Variants in IL7R observed in about 807,000 individuals in gnomAD.
IL7R encodes the protein interleukin 7 receptor.
IL7R carries 38 observed loss-of-function variants against 47.0 expected under a neutral mutation model. The ratio of observed to expected loss-of-function variants is 0.81; its 90% confidence interval spans 0.62 to 1.06. The LOEUF (loss-of-function observed/expected upper bound fraction) is 1.06, where lower values mean the gene tolerates loss of function less well. IL7R is among the 50% of genes least tolerant of loss of function. IL7R has a pLI of 0.00. For synonymous variants in IL7R, 221 were observed against 199.8 expected, an observed-to-expected ratio of 1.11 and a Z score of -0.89; for missense variants, 633 against 534.8, an observed-to-expected ratio of 1.18 and a Z score of -1.81.
intron 6 of IL7R, 131 bp downstream of exon 6, chr5:35,874,673 T>C: frequency 1.3e-6 from 1 of 756,398 alleles, no homozygotes; most frequent in African/African-American, 1.7e-5. Flanking sequence ...CCAGTATCCC[T>C]ATCTATCCTC....
Position 35,876,371 on chromosome 5 carries a change from A to G in IL7R, c.1265A>G (p.Gln422Arg). ...NSTLPPPFSL[Q>R]SGILTLNPVA... ...ACGCTGCCCCCTCCATTTTCTCTCC[A>G]ATCTGGAATCCTGACATTGAACCCA... The change falls in exon 8 of 8, where the codon CAA (glutamine) becomes CGA (arginine). Residue 422 changes from glutamine to arginine, a missense_variant. By Grantham distance (43) the Gln-to-Arg change is conservative (BLOSUM62 1). Coordinates refer to ENST00000303115, the MANE Select transcript of IL7R (RefSeq NM_002185.5). 1 of 1,613,548 alleles carries G rather than the reference A, an allele frequency of 6.2e-7. No individual in the cohort carries two copies.
intron 2 of IL7R, among the ~76,000 whole-genome samples, chr5:35,865,788 G>A (rs1759924282): frequency 6.6e-6 from 1 of 152,028 alleles, no homozygotes; most frequent in Admixed American, 6.6e-5. Context: ...TCAAAAAGTG[G>A]GCAAAGGATA....
At chr5:35,867,534 G>A (rs1228567411) in intron 3 of IL7R, 71 bp downstream of exon 3, 4 of 1,267,922 alleles carry the variant, frequency 3.2e-6, no homozygotes, top group South Asian at 2.4e-5. Context: ...TGGACATTCT[G>A]TAGGTTAAAA....
intron 1 of IL7R, among the ~76,000 whole-genome samples, chr5:35,858,047 G>A (rs1759702842): frequency 6.6e-6 from 1 of 152,056 alleles, no homozygotes; most frequent in Non-Finnish European, 1.5e-5. Context: ...CACTTTATGG[G>A]GGATGATTAT....
chr5:35,876,723 A>T lies in IL7R; in HGVS notation c.*237A>T. 7 of 524,064 alleles carry T rather than the reference A, an allele frequency of 1.3e-5. No homozygotes were observed. Among genetic ancestry groups the T allele is most frequent in the South Asian group, 1.1e-4 (4 of 35,136 alleles). 32.5% of individuals were successfully genotyped at this position (524,064 alleles called of 1,614,324 possible). On this transcript the variant is annotated 3_prime_UTR_variant, in exon 8 of 8. Transcript: ENST00000303115. ...GGATTTGGTCACAAGGTTTAAGGTG[A>T]CCCAATGATTCAGCTATTTAAAAAA...
In IL7R at chr5:35,876,858, A is replaced by G. The variant is rs1003029365; in HGVS notation, c.*372A>G. 5 of 362,002 alleles carry G rather than the reference A, an allele frequency of 1.4e-5. No individual in the cohort carries two copies. Among genetic ancestry groups the G allele is most frequent in the East Asian group, 1.3e-4 (3 of 22,434 alleles). 22.4% of individuals were successfully genotyped at this position (362,002 alleles called of 1,614,324 possible). A position where few individuals can be genotyped will look rare whatever the true frequency, so the allele number is the denominator to read the frequency against. ...AAAATAAAAAATGATAGTTGCCATTATTAGGATTTAATATATATCCAGTGC... is the reference window on the plus strand; with the variant it reads ...AAAATAAAAAATGATAGTTGCCATTGTTAGGATTTAATATATATCCAGTGC... On this transcript the variant is annotated 3_prime_UTR_variant, in exon 8 of 8. Transcript: ENST00000303115.
chr5:35,872,126 G>A (rs1760086814), intron 4 of IL7R, among the ~76,000 whole-genome samples: 1 of 152,104 alleles, frequency 6.6e-6, no homozygotes, highest in South Asian at 2.1e-4. Flanking sequence ...CAACTTAGTG[G>A]AGAAAGGAAG....
Position 35,877,307 on chromosome 5 carries a change from AAG to A in IL7R, c.*824_*825del, listed in dbSNP as rs1760243363. 4 of 233,116 alleles carry A rather than the reference AAG, an allele frequency of 1.7e-5. No individual in the cohort carries two copies. The highest frequency in any genetic ancestry group is 5.6e-5 in the Admixed American group (1 of 17,780). The allele number at this position is 233,116 out of a possible 1,614,324, so 14.4% of individuals were successfully genotyped here. On this transcript the variant is annotated 3_prime_UTR_variant, in exon 8 of 8. Transcript: ENST00000303115. ...TAAATTAAAATGGCTATGAGAAAGA[AAG>A]AGGGGGAGAAACAGTCTTGCGGGTG...
rs776246127 is a variant in IL7R, at chr5:35,860,840, G to C, written c.83-12G>C. 4 of 1,613,108 alleles carry C rather than the reference G, an allele frequency of 2.5e-6. No homozygotes were observed. The highest frequency in any genetic ancestry group is 3.4e-6 in the Non-Finnish European group (4 of 1,179,206). On this transcript the variant is annotated splice_polypyrimidine_tract_variant and intron_variant, in intron 1 of 7. Coordinates refer to ENST00000303115, the MANE Select transcript of IL7R (RefSeq NM_002185.5). ...TTGTTTCATTAACAGCTGCATGTTTGTTCCTCCCCAGGAGACTTGGAAGAT... is the reference window on the plus strand; with the variant it reads ...TTGTTTCATTAACAGCTGCATGTTTCTTCCTCCCCAGGAGACTTGGAAGAT...
In IL7R at chr5:35,879,113, T is replaced by A; in HGVS notation, c.*2627T>A. The A allele has an allele frequency of 4.3e-6, 1 of 232,822 alleles. No homozygotes were observed. Among genetic ancestry groups the A allele is most frequent in the Non-Finnish European group, 8.5e-6 (1 of 117,836 alleles). 14.4% of individuals were successfully genotyped at this position (232,822 alleles called of 1,614,324 possible). A position where few individuals can be genotyped will look rare whatever the true frequency, so the allele number is the denominator to read the frequency against. ...AAATAAACCTCCTGATCGGAGACAA[T>A]GTATTAATCAGAAGTGTAAACTGCC... On this transcript the variant is annotated 3_prime_UTR_variant, in exon 8 of 8. Transcript: ENST00000303115.
Position 35,860,727 on chromosome 5 carries a change from A to C in IL7R, c.83-125A>C. On this transcript the variant is annotated intron_variant, in intron 1 of 7. Coordinates refer to ENST00000303115, the MANE Select transcript of IL7R (RefSeq NM_002185.5). ...TTGCCCTTGGGCTTTTCTTCCTTGA[A>C]TACTACATAATCCATTACTATTTCA... 3 of 993,486 alleles carry C rather than the reference A, an allele frequency of 3.0e-6. No homozygotes were observed. The South Asian group carries it at 4.0e-5, about 13-fold the overall frequency. The allele number at this position is 993,486 out of a possible 1,614,324, so 61.5% of individuals were successfully genotyped here.
At chr5:35,860,363 G>A (rs939122412) in intron 1 of IL7R, among the ~76,000 whole-genome samples, 2 of 152,044 alleles carry the variant, frequency 1.3e-5, no homozygotes, top group Admixed American at 6.6e-5. Context: ...AGCTATCATT[G>A]TCCTTCATTT....
intron 2 of IL7R, among the ~76,000 whole-genome samples, chr5:35,866,504 A>G (rs1280783637): frequency 6.6e-6 from 1 of 152,120 alleles, no homozygotes; most frequent in Non-Finnish European, 1.5e-5. Flanking sequence ...ATTTGATAGA[A>G]TTTACCAGAA....
At chr5:35,868,380 C>G (rs1005002385) in intron 3 of IL7R, among the ~76,000 whole-genome samples, 8 of 152,198 alleles carry the variant, frequency 5.3e-5, no homozygotes, top group Non-Finnish European at 8.8e-5. Context: ...TCAGCTTTGT[C>G]TCAGTTTTGT....
At chr5:35,872,893 A>T (rs142568108) in intron 4 of IL7R, among the ~76,000 whole-genome samples, 1 of 152,210 alleles carries the variant, frequency 6.6e-6, no homozygotes, top group Non-Finnish European at 1.5e-5. Flanking sequence ...TGAGCAAAAA[A>T]ATTGGGAAAA....
At chr5:35,871,757 T>C (rs1350812162) in intron 4 of IL7R, among the ~76,000 whole-genome samples, 1 of 152,184 alleles carries the variant, frequency 6.6e-6, no homozygotes, top group Non-Finnish European at 1.5e-5. Context: ...CTCTTCATGA[T>C]TTGTTGAGGT....
rs2149904828 is a variant in IL7R, at chr5:35,875,565, A to G, written c.854A>G (p.His285Arg). ...CCCGATCATAAGAAGACTCTGGAACATCTTTGTAAGAAACCAAGAAAAGTG... is the reference window on the plus strand; with the variant it reads ...CCCGATCATAAGAAGACTCTGGAACGTCTTTGTAAGAAACCAAGAAAAGTG... ...SLPDHKKTLE[H>R]LCKKPRKNLN... is the part of the protein sequence containing the mutation. The change falls in exon 7 of 8, where the codon CAT becomes CGT. Residue 285 changes from histidine to arginine, a missense_variant. Physicochemically the swap from His to Arg is conservative, Grantham distance 29. Transcript: ENST00000303115. 1.9e-6 allele frequency: 3 copies of G among 1,613,614 alleles called. No individual in the cohort carries two copies. Among genetic ancestry groups the G allele is most frequent in the Non-Finnish European group, 2.5e-6 (3 of 1,179,500 alleles).
Position 35,857,028 on chromosome 5 carries a change from C to A in IL7R, c.51C>A (p.Val17=), listed in dbSNP as rs138981776. Residue 17 remains valine (V), a synonymous_variant, in exon 1 of 8, where the codon GTC becomes GTA. Transcript: ENST00000303115. ...TFGMVFSLLQ[V]VSGESGYAQN... is the part of the protein sequence containing the mutation. The stretch of plus-strand genomic sequence containing the variant: ...GCATGGTTTTTTCTTTACTTCAAGT[C>A]GTTTCTGGAGAAAGTGGCTATGCTC... 1.1e-5 allele frequency: 17 copies of A among 1,609,418 alleles called. No individual in the cohort carries two copies. In the African/African-American group the frequency reaches 1.9e-4, roughly 18 times the overall value.
rs1347132372 is a variant in IL7R, at chr5:35,877,903, C to A, written c.*1417C>A. The A allele has an allele frequency of 8.6e-6, 2 of 233,128 alleles. No individual in the cohort carries two copies. The highest frequency in any genetic ancestry group is 1.7e-5 in the Non-Finnish European group (2 of 118,066). The allele number at this position is 233,128 out of a possible 1,614,324, so 14.4% of individuals were successfully genotyped here. On this transcript the variant is annotated 3_prime_UTR_variant, in exon 8 of 8. Coordinates refer to ENST00000303115, the MANE Select transcript of IL7R (RefSeq NM_002185.5). Reference sequence around the variant, plus strand: ...CTCCAAACCCTGGCTGTTCACAGAACCACAAAGGGCAGATGCTGCACAGAA... The same window carrying A: ...CTCCAAACCCTGGCTGTTCACAGAAACACAAAGGGCAGATGCTGCACAGAA...
Sources: allele counts gnomAD v4.1 joint callset (sites outside exome capture counted in the v4.1 genomes callset), GRCh38; gene constraint gnomAD v4.1.1; transcripts MANE v1.5; gene names NCBI Gene and HGNC (gene_info 2026-07-23, HGNC 2026-07-21).